Variants in NPAS3 observed in about 807,000 individuals in gnomAD.
NPAS3 encodes neuronal PAS domain-containing protein 3.
A neutral mutation model predicts 73.1 loss-of-function variants in NPAS3; 14 were observed. The observed-to-expected ratio is 0.19, with a 90% CI of 0.13 to 0.30. NPAS3 has a LOEUF of 0.30. Ranked by LOEUF, NPAS3 falls within the 10% of genes least tolerant of loss-of-function variation. The probability of loss-of-function intolerance (pLI) is 1.00; values close to 1 mark genes in which losing one functional copy is unlikely to be tolerated. For synonymous variants in NPAS3, 620 were observed against 541.5 expected (o/e 1.14, Z -2.01); for missense variants, 1,096 against 1,250.0 (o/e 0.88, Z 1.86).
intron 6 of NPAS3, chr14:33,680,547 A>G: frequency 1.4e-6 from 1 of 700,988 alleles, no homozygotes; most frequent in Middle Eastern, 2.3e-4. Context: ...TACTTCTGGT[A>G]ACTAGCTTTT....
At chr14:33,068,844 T>A (rs142541424) in intron 2 of NPAS3, among the ~76,000 whole-genome samples, 2 of 152,106 alleles carry the variant, frequency 1.3e-5, no homozygotes, top group African/African-American at 4.8e-5. Context: ...GGGTTCCTAA[T>A]GTGTTCAAAG....
chr14:33,196,802 C>A (rs2046372388), intron 2 of NPAS3, among the ~76,000 whole-genome samples: 1 of 152,160 alleles, frequency 6.6e-6, no homozygotes, highest in Non-Finnish European at 1.5e-5. Context: ...TTATAGAAGT[C>A]TTTGTTAAAT....
intron 4 of NPAS3, among the ~76,000 whole-genome samples, chr14:33,379,782 T>C (rs965146760): frequency 2.6e-5 from 4 of 152,132 alleles, no homozygotes; most frequent in African/African-American, 9.7e-5. Context: ...CTAGTAGTAG[T>C]CTGTGGAACA....
At chr14:33,710,387 T>C (rs1186232281) in intron 6 of NPAS3, among the ~76,000 whole-genome samples, 1 of 152,202 alleles carries the variant, frequency 6.6e-6, no homozygotes, top group African/African-American at 2.4e-5. Context: ...ATCTTTCTTG[T>C]CCTGAGTTGA....
At chr14:33,345,956 G>A (rs1179043544) in intron 3 of NPAS3, among the ~76,000 whole-genome samples, 1 of 152,080 alleles carries the variant, frequency 6.6e-6, no homozygotes, top group Non-Finnish European at 1.5e-5. Flanking sequence ...TTCAGGGCTG[G>A]GCACGGTGGT....
chr14:33,716,501 A>G (rs181746667), intron 6 of NPAS3, among the ~76,000 whole-genome samples: 23 of 152,126 alleles, frequency 1.5e-4, no homozygotes, highest in Admixed American at 3.3e-4. Context: ...TCATTTTGCC[A>G]TTTTTAAACA....
At chr14:33,472,019 ACT>A (rs1300917102) in intron 4 of NPAS3, among the ~76,000 whole-genome samples, 10 of 152,238 alleles carry the variant, frequency 6.6e-5, no homozygotes, top group African/African-American at 2.4e-4. Flanking sequence ...ATGATCTGTC[ACT>A]GTCTCCCTCT....
chr14:33,303,931 G>C (rs1053310735), intron 3 of NPAS3, among the ~76,000 whole-genome samples: 1 of 148,984 alleles, frequency 6.7e-6, no homozygotes, highest in African/African-American at 2.6e-5. Context: ...GTTTTGAGAC[G>C]GAGTCTCGCT....
intron 5 of NPAS3, among the ~76,000 whole-genome samples, chr14:33,562,272 G>A (rs57702291): frequency 0.037 from 5,679 of 152,280 alleles, 377 homozygotes; most frequent in African/African-American, 0.13. Flanking sequence ...TAAAGCAACT[G>A]TGTAGACATG....
chr14:33,549,334 C>T (rs544825059), intron 4 of NPAS3, among the ~76,000 whole-genome samples: 2 of 152,268 alleles, frequency 1.3e-5, no homozygotes. Flanking sequence ...CAGGTTTAAG[C>T]GTTCCTCCCA....
At chr14:33,347,321 T>G (rs1216349973) in intron 3 of NPAS3, among the ~76,000 whole-genome samples, 1 of 152,220 alleles carries the variant, frequency 6.6e-6, no homozygotes, top group Non-Finnish European at 1.5e-5. Context: ...CTATTAAATG[T>G]TTTTAGAAAG....
chr14:33,388,783 C>G (rs1594816018), intron 4 of NPAS3, among the ~76,000 whole-genome samples: 2 of 152,192 alleles, frequency 1.3e-5, no homozygotes, highest in East Asian at 1.9e-4. Context: ...GAATATGAAC[C>G]TAGCAATCTG....
chr14:33,330,568 T>C (rs1377064060), intron 3 of NPAS3, among the ~76,000 whole-genome samples: 1 of 152,208 alleles, frequency 6.6e-6, no homozygotes, highest in Non-Finnish European at 1.5e-5. Flanking sequence ...TGCAATATAA[T>C]TATTTAGAAG....
At chr14:33,109,526 C>G (rs1379480653) in intron 2 of NPAS3, among the ~76,000 whole-genome samples, 1 of 152,072 alleles carries the variant, frequency 6.6e-6, no homozygotes, top group Non-Finnish European at 1.5e-5. Context: ...AATACTGACT[C>G]AAGTGTAGTT....
chr14:33,641,020 A>AT (rs200453456), intron 5 of NPAS3, among the ~76,000 whole-genome samples: 1,931 of 152,252 alleles, frequency 0.013, 47 homozygotes, highest in African/African-American at 0.044. Context: ...ATAACGGGTG[A>AT]TTTTTTAGTA....
chr14:33,621,001 T>C (rs2058061778), intron 5 of NPAS3, among the ~76,000 whole-genome samples: 1 of 152,134 alleles, frequency 6.6e-6, no homozygotes, highest in African/African-American at 2.4e-5. Flanking sequence ...ATGTATGTCG[T>C]TACAAATGAG....
intron 2 of NPAS3, among the ~76,000 whole-genome samples, chr14:33,138,395 T>C (rs1175147854): frequency 6.6e-6 from 1 of 152,186 alleles, no homozygotes; most frequent in Non-Finnish European, 1.5e-5. Context: ...AATTATTACT[T>C]GAATACATAT....
chr14:33,244,692 A>G (rs950545641), intron 3 of NPAS3, among the ~76,000 whole-genome samples: 2 of 152,076 alleles, frequency 1.3e-5, no homozygotes, highest in African/African-American at 2.4e-5. Flanking sequence ...TACTCTTTTG[A>G]CCGGTTCTCT....
Position 32,997,143 on chromosome 14 carries a change from G to A in NPAS3, c.50+57777G>A, listed in dbSNP as rs142264281. ...TTGACTGCCCTGCTGGATTTCAGACGTGCATGGGGCCTGTAGCCCCTTTGT... is the reference window on the plus strand; with the variant it reads ...TTGACTGCCCTGCTGGATTTCAGACATGCATGGGGCCTGTAGCCCCTTTGT... On this transcript the variant is annotated intron_variant, in intron 1 of 11. Coordinates refer to ENST00000356141, the Ensembl canonical transcript of NPAS3. Among the ~76,000 whole-genome samples the A allele has an allele frequency of 5.8e-4, 88 of 152,296 alleles. 1 individual carries two copies. The East Asian group carries it at 0.016, about 27-fold the overall frequency.
Sources: gnomAD v4.1 joint callset for allele counts (sites outside exome capture counted in the v4.1 genomes callset) on GRCh38, gnomAD v4.1.1 for gene constraint, MANE v1.5 for transcripts, NCBI Gene and HGNC (gene_info 2026-07-23, HGNC 2026-07-21) for gene names.